ROBO2: variants seen among roughly 807,000 people sequenced by gnomAD.
The protein encoded by ROBO2 is roundabout guidance receptor 2.
ROBO2 carries 53 observed loss-of-function variants against 160.8 expected under a neutral mutation model. The observed-to-expected ratio is 0.33, with a 90% CI of 0.26 to 0.41. The LOEUF (loss-of-function observed/expected upper bound fraction) is 0.41. ROBO2 is among the 10% of genes least tolerant of loss of function. The pLI is 1.00. For missense variants in ROBO2, 1,577 were observed against 1,722.4 expected (o/e 0.92, Z 1.49); for synonymous variants, 664 against 611.7 (o/e 1.09, Z -1.26).
chr3:76,109,603 T>C (rs141905998), intron 2 of ROBO2, among the ~76,000 whole-genome samples: 56 of 152,264 alleles, frequency 3.7e-4, no homozygotes, highest in Non-Finnish European at 6.0e-4. Flanking sequence ...CTTTTTCCAC[T>C]GGCTCTTTAC....
At chr3:76,233,664 A>G (rs1166314152) in intron 2 of ROBO2, among the ~76,000 whole-genome samples, 19 of 152,152 alleles carry the variant, frequency 1.2e-4, no homozygotes. Flanking sequence ...GTAATTACTA[A>G]GTTGTTAAAT....
At position 77,292,126 on chromosome 3, in the gene ROBO2, C is replaced by A. The variant is rs367734851; in HGVS notation, c.389-185288C>A. Among the ~76,000 whole-genome samples, 606 of 130,274 alleles carry A rather than the reference C, an allele frequency of 4.7e-3. 9 individuals carry two copies. The highest frequency in any genetic ancestry group is 0.016 in the African/African-American group (573 of 36,868). The allele number at this position is 130,274 out of a possible 152,430, so 85.5% of individuals were successfully genotyped here. A position where few individuals can be genotyped will look rare whatever the true frequency, so the allele number is the denominator to read the frequency against. ...ACGGGTAAGCTGAGGCTAGATCACC[C>A]CAGACATAAAGTAAAATTGATGGTT... is the stretch of plus-strand genomic sequence containing the variant. On this transcript the variant is annotated intron_variant, in intron 2 of 25. Coordinates refer to ENST00000461745, the Ensembl canonical transcript of ROBO2.
chr3:77,234,263 C>T (rs1374968611), intron 2 of ROBO2, among the ~76,000 whole-genome samples: 2 of 152,190 alleles, frequency 1.3e-5, no homozygotes, highest in African/African-American at 2.4e-5. Context: ...CCATCTCCCA[C>T]GCCTGCCCTT....
In ROBO2 at chr3:77,482,225, C is replaced by T. The variant is rs781162466; in HGVS notation, c.667+1006C>T. On this transcript the variant is annotated intron_variant, in intron 4 of 25. Transcript: ENST00000461745. ...TGATTTTCAAATTATTTTTCAGTAG[C>T]GGTAAAATAATCCTCTACTTCTGTG... 1.7e-3 allele frequency among the ~76,000 whole-genome samples: 266 copies of T among 152,120 alleles called. 2 individuals are homozygous for T. Among genetic ancestry groups the T allele is most frequent in the Admixed American group, 3.7e-3 (56 of 15,276 alleles).
intron 2 of ROBO2, among the ~76,000 whole-genome samples, chr3:76,659,526 A>G (rs897290402): frequency 1.2e-4 from 18 of 152,120 alleles, no homozygotes; most frequent in African/African-American, 4.3e-4. Flanking sequence ...ACCCTGTACT[A>G]TAATTTCTCT....
chr3:76,886,951 C>A (rs936682732), intron 2 of ROBO2, among the ~76,000 whole-genome samples: 1 of 152,160 alleles, frequency 6.6e-6, no homozygotes, highest in Non-Finnish European at 1.5e-5. Context: ...GTAGCCACTA[C>A]CTTGGACAGA....
intron 2 of ROBO2, among the ~76,000 whole-genome samples, chr3:76,013,470 T>G (rs540125505): frequency 2.0e-5 from 3 of 150,592 alleles, no homozygotes; most frequent in African/African-American, 7.3e-5. Context: ...CTGTGGCTTA[T>G]GCATGTAATC....
chr3:77,397,751 G>A (rs1193495734), intron 2 of ROBO2, among the ~76,000 whole-genome samples: 1 of 151,884 alleles, frequency 6.6e-6, no homozygotes, highest in Admixed American at 6.6e-5. Flanking sequence ...CTTTTTAATA[G>A]TTTTCTGAAG....
rs1198957890 is a variant in ROBO2 at position 77,321,027 on chromosome 3, C to T, written c.389-156387C>T. ...ACACACAATTCCAGATGAAAGGATT[C>T]TAGTTGACTAAGAAGATAGTTAATA... On this transcript the variant is annotated intron_variant, in intron 2 of 25. Coordinates refer to ENST00000461745, the Ensembl canonical transcript of ROBO2. 2.6e-5 allele frequency among the ~76,000 whole-genome samples: 4 copies of T among 152,236 alleles called. No homozygotes were observed. In the East Asian group the frequency reaches 7.7e-4, roughly 29 times the overall value.
chr3:76,718,281 G>A (rs757918459), intron 2 of ROBO2, among the ~76,000 whole-genome samples: 1 of 152,186 alleles, frequency 6.6e-6, no homozygotes, highest in Non-Finnish European at 1.5e-5. Context: ...ATCCAGTTTA[G>A]CATCAGAAAA....
intron 2 of ROBO2, among the ~76,000 whole-genome samples, chr3:77,237,411 T>TTGTGTGTGTATGTGTGTGTGTG (rs1553862750): frequency 7.6e-6 from 1 of 131,046 alleles, no homozygotes; most frequent in African/African-American, 2.8e-5. Flanking sequence ...TTGTTTTGTT[T>TTGTGTGTGTATGTGTGTGTGTG]TGTGTGTGTG....
At chr3:76,205,531 C>T (rs1439397429) in intron 2 of ROBO2, among the ~76,000 whole-genome samples, 1 of 152,150 alleles carries the variant, frequency 6.6e-6, no homozygotes, top group African/African-American at 2.4e-5. Context: ...ATTTGTTTAA[C>T]TCTACTAAGA....
rs1304791986 is a variant in ROBO2 at position 75,928,770 on chromosome 3, C to T, written c.-13-8711C>T. On this transcript the variant is annotated intron_variant, in intron 1 of 26. Coordinates refer to the ROBO2 transcript ENST00000487694. ...ACATGAGATCTGCAGCTGGTTAAGA[C>T]GTGTGTGTGTGTGTGAGATAGCTGA... Among the ~76,000 whole-genome samples the T allele has an allele frequency of 2.6e-5, 4 of 151,110 alleles. No homozygotes were observed. In the East Asian group the frequency reaches 5.9e-4, roughly 22 times the overall value.
intron 2 of ROBO2, among the ~76,000 whole-genome samples, chr3:77,018,545 A>G (rs564869009): frequency 6.6e-6 from 1 of 152,294 alleles, no homozygotes; most frequent in East Asian, 1.9e-4. Flanking sequence ...AATTCCTTGA[A>G]CTCTAAAAGT....
At chr3:77,565,903 T>C (rs1457903145) in intron 12 of ROBO2, among the ~76,000 whole-genome samples, 1 of 152,126 alleles carries the variant, frequency 6.6e-6, no homozygotes, top group East Asian at 1.9e-4. Context: ...TGAGGTTTAA[T>C]ATACAATGCT....
In ROBO2 at chr3:77,134,698, C is replaced by T. The variant is rs183483829; in HGVS notation, c.388+36358C>T. Among the ~76,000 whole-genome samples, 795 of 152,254 alleles carry T rather than the reference C, an allele frequency of 5.2e-3. 5 individuals are homozygous for T. The highest frequency in any genetic ancestry group is 7.5e-3 in the Non-Finnish European group (507 of 68,024). ...CAGTCTATTCTTGATCAAAGCATGA[C>T]CTGCTCACTAAAGCTTTCATAAGAT... is the stretch of plus-strand genomic sequence containing the variant. On this transcript the variant is annotated intron_variant, in intron 2 of 25. Transcript: ENST00000461745.
intron 2 of ROBO2, among the ~76,000 whole-genome samples, chr3:77,308,094 CT>C (rs75267801): frequency 0.059 from 8,070 of 136,500 alleles, 573 homozygotes; most frequent in African/African-American, 0.18. Context: ...GGAGATATTT[CT>C]TTTTTTTTTT....
intron 2 of ROBO2, among the ~76,000 whole-genome samples, chr3:77,122,183 G>A (rs555117189): frequency 1.3e-5 from 2 of 152,136 alleles, no homozygotes; most frequent in African/African-American, 4.8e-5. Flanking sequence ...TAACTCTCTT[G>A]TTCTACACAG....
intron 2 of ROBO2, among the ~76,000 whole-genome samples, chr3:76,918,536 A>G (rs1023737146): frequency 3.3e-5 from 5 of 152,234 alleles, no homozygotes; most frequent in African/African-American, 1.2e-4. Context: ...ATAAACTGTC[A>G]ACTTGCAAAA....
Sources: allele counts gnomAD v4.1 joint callset (sites outside exome capture counted in the v4.1 genomes callset), GRCh38; gene constraint gnomAD v4.1.1; transcripts MANE v1.5; gene names NCBI Gene and HGNC (gene_info 2026-07-23, HGNC 2026-07-21).